The following LEF1 variants were observed in gnomAD, a reference collection of about 807,000 sequenced individuals.
The protein encoded by LEF1 is lymphoid enhancer binding factor 1.
LEF1 carries 14 observed loss-of-function variants against 51.2 expected under a neutral mutation model. The ratio of observed to expected loss-of-function variants is 0.27; its 90% CI spans 0.18 to 0.43. The LOEUF (loss-of-function observed/expected upper bound fraction) is 0.43. Among genes scored for constraint, LEF1 ranks in the 20% least tolerant of loss-of-function variants. The probability of loss-of-function intolerance (pLI) is 1.00; values close to 1 mark genes in which losing one functional copy is unlikely to be tolerated. For synonymous variants in LEF1, 185 were observed against 183.2 expected, an observed-to-expected ratio of 1.01 and a Z score of -0.08; for missense variants, 386 against 512.0, an observed-to-expected ratio of 0.75 and a Z score of 2.37.
At chr4:108,090,973 TA>T (rs1739981105) in intron 3 of LEF1, among the ~76,000 whole-genome samples, 1 of 152,106 alleles carries the variant, frequency 6.6e-6, no homozygotes, top group Non-Finnish European at 1.5e-5. Context: ...AATCTCTACT[TA>T]AAAACACTAT....
chr4:108,107,503 T>A (rs867132240), intron 3 of LEF1, among the ~76,000 whole-genome samples: 48 of 99,864 alleles, frequency 4.8e-4, no homozygotes, highest in African/African-American at 1.7e-3. Context: ...AAAAGGCTTA[T>A]TTTATTTTTT....
chr4:108,101,272 A>G (rs937707445), intron 3 of LEF1, among the ~76,000 whole-genome samples: 17 of 152,236 alleles, frequency 1.1e-4, no homozygotes, highest in Non-Finnish European at 2.1e-4. Context: ...AGTGCATTAA[A>G]GAATAATTAA....
At chr4:108,052,244 C>T (rs1737046840) in intron 11 of LEF1, among the ~76,000 whole-genome samples, 1 of 152,148 alleles carries the variant, frequency 6.6e-6, no homozygotes, top group Non-Finnish European at 1.5e-5. Context: ...CAAAATGCAC[C>T]CCTGCCCCAT....
chr4:108,166,364 T>A, intron 1 of LEF1: 4 of 1,494,228 alleles, frequency 2.7e-6, no homozygotes, highest in Non-Finnish European at 3.5e-6. Flanking sequence ...CCACACACTT[T>A]CTTTTTGGGG....
intron 3 of LEF1, among the ~76,000 whole-genome samples, chr4:108,145,472 CA>C (rs1743942200): frequency 6.6e-6 from 1 of 152,012 alleles, no homozygotes; most frequent in South Asian, 2.1e-4. Context: ...ATACAGTGGC[CA>C]AAATTTTTAA....
intron 3 of LEF1, chr4:108,104,705 G>A (rs966175072): frequency 6.2e-5 from 61 of 983,694 alleles, no homozygotes; most frequent in Middle Eastern, 5.2e-4. Flanking sequence ...CCCACTCCCC[G>A]CCCTCAATTC....
chr4:108,110,745 T>C (rs1224087552), intron 3 of LEF1, among the ~76,000 whole-genome samples: 3 of 152,186 alleles, frequency 2.0e-5, no homozygotes, highest in Non-Finnish European at 2.9e-5. Flanking sequence ...TCCTCAGCTG[T>C]AAAATGAAGA....
At chr4:108,150,049 G>C (rs1165757381) in intron 3 of LEF1, among the ~76,000 whole-genome samples, 1 of 151,752 alleles carries the variant, frequency 6.6e-6, no homozygotes, top group Non-Finnish European at 1.5e-5. Context: ...CTTTTTAAAG[G>C]AAACTCACTG....
At chr4:108,107,784 C>G (rs894560174) in intron 3 of LEF1, among the ~76,000 whole-genome samples, 1 of 151,976 alleles carries the variant, frequency 6.6e-6, no homozygotes, top group African/African-American at 2.4e-5. Context: ...TTCACCCCCG[C>G]CCCCCAACAT....
intron 6 of LEF1, 97 bp from the exon 7 acceptor site, chr4:108,079,711 G>T: frequency 1.6e-6 from 2 of 1,221,618 alleles, no homozygotes; most frequent in Non-Finnish European, 2.4e-6. Context: ...TACTGGCTAA[G>T]AGTAAAAACA....
At chr4:108,116,834 T>G (rs1741873791) in intron 3 of LEF1, among the ~76,000 whole-genome samples, 2 of 152,298 alleles carry the variant, frequency 1.3e-5, no homozygotes, top group South Asian at 4.2e-4. Flanking sequence ...CTTCAGCAAG[T>G]TGTGGAGAGG....
rs550564552 is a variant in LEF1, at chr4:108,105,472, C to T, written c.415-16215G>A. 1.8e-3 allele frequency among the ~76,000 whole-genome samples: 273 copies of T among 152,242 alleles called. 3 individuals carry two copies. The highest frequency in any genetic ancestry group is 6.0e-3 in the African/African-American group (249 of 41,538). ...ATGGGATTACAGGTGTGAGCCTCCA[C>T]GCCCAGCCTGAACCCGCTTTTAATA... On this transcript the variant is annotated intron_variant, in intron 3 of 11. Coordinates refer to ENST00000265165, the MANE Select transcript of LEF1 (RefSeq NM_016269.5).
intron 1 of LEF1, chr4:108,165,369 C>A (rs1251669408): frequency 2.0e-5 from 10 of 504,482 alleles, no homozygotes; most frequent in East Asian, 6.3e-5. Flanking sequence ...ATTATCCACC[C>A]GGGACCAAAA....
At chr4:108,056,815 T>TA (rs1244445352) in intron 11 of LEF1, among the ~76,000 whole-genome samples, 3 of 145,560 alleles carry the variant, frequency 2.1e-5, no homozygotes, top group Non-Finnish European at 4.5e-5. Context: ...CCATGCAAGA[T>TA]AAACAGCACG....
chr4:108,134,559 GT>G (rs1468481721), intron 3 of LEF1, among the ~76,000 whole-genome samples: 2 of 152,230 alleles, frequency 1.3e-5, no homozygotes, highest in Non-Finnish European at 2.9e-5. Context: ...GCCACACAGA[GT>G]TATTCCAAAT....
chr4:108,088,856 T>C (rs557957007), intron 4 of LEF1, among the ~76,000 whole-genome samples: 1 of 152,322 alleles, frequency 6.6e-6, no homozygotes, highest in East Asian at 1.9e-4. Flanking sequence ...ATTTGCACAA[T>C]CTATTGGTTT....
intron 3 of LEF1, among the ~76,000 whole-genome samples, chr4:108,155,257 C>T (rs567956507): frequency 9.9e-5 from 15 of 152,278 alleles, no homozygotes; most frequent in African/African-American, 2.9e-4. Flanking sequence ...ATGAGACTTT[C>T]GGCTAACAAA....
chr4:108,155,922 A>G (rs989779628), intron 3 of LEF1, among the ~76,000 whole-genome samples: 3 of 152,206 alleles, frequency 2.0e-5, no homozygotes, highest in African/African-American at 7.2e-5. Context: ...TCAATTTACA[A>G]AACACAATGG....
At chr4:108,116,886 C>T (rs995716271) in intron 3 of LEF1, among the ~76,000 whole-genome samples, 3 of 152,162 alleles carry the variant, frequency 2.0e-5, no homozygotes, top group Non-Finnish European at 2.9e-5. Flanking sequence ...CAGTGCTGGG[C>T]ACATCATAAG....
Sources: gnomAD v4.1 joint callset for allele counts (sites outside exome capture counted in the v4.1 genomes callset) on GRCh38, gnomAD v4.1.1 for gene constraint, MANE v1.5 for transcripts, NCBI Gene and HGNC (gene_info 2026-07-23, HGNC 2026-07-21) for gene names.